The following RASGRP1 variants were observed in gnomAD, a reference collection of about 807,000 sequenced individuals.
The protein encoded by RASGRP1 is RAS guanyl-releasing protein 1.
A neutral mutation model predicts 95.1 loss-of-function variants in RASGRP1; 37 were observed. The observed-to-expected ratio is 0.39, with a 90% confidence interval of 0.30 to 0.51. The LOEUF (loss-of-function observed/expected upper bound fraction) is 0.51, where lower values mean the gene tolerates loss of function less well. Ranked by LOEUF, RASGRP1 falls within the 20% of genes least tolerant of loss-of-function variation. The probability of loss-of-function intolerance (pLI) is 0.80; values close to 1 mark genes in which losing one functional copy is unlikely to be tolerated. For missense variants in RASGRP1, 711 were observed against 965.4 expected, an observed-to-expected ratio of 0.74 and a Z score of 3.49; for synonymous variants, 325 against 353.4, an observed-to-expected ratio of 0.92 and a Z score of 0.90.
chr15:38,513,050 T>C lies in RASGRP1; in HGVS notation c.676-94A>G, dbSNP rs1176874264. ...TAAGGGACAAGTCCAGTCTGCTCAGTTGATGGCTGGGAACTGCCATGGAAC... is the reference window on the plus strand; with the variant it reads ...TAAGGGACAAGTCCAGTCTGCTCAGCTGATGGCTGGGAACTGCCATGGAAC... On this transcript the variant is annotated intron_variant, in intron 6 of 16. Transcript: ENST00000310803. The C allele has an allele frequency of 3.2e-6, 4 of 1,268,566 alleles. No homozygotes were observed. The East Asian group carries it at 1.1e-4, about 36-fold the overall frequency. The allele number at this position is 1,268,566 out of a possible 1,614,324, so 78.6% of individuals were successfully genotyped here.
chr15:38,500,499 C>T (rs1263195643), intron 13 of RASGRP1, among the ~76,000 whole-genome samples: 1 of 152,112 alleles, frequency 6.6e-6, no homozygotes, highest in Non-Finnish European at 1.5e-5. Context: ...TGTTCCACCA[C>T]ACCTGGCTAA....
chr15:38,560,800 A>G (rs1487160322), intron 1 of RASGRP1, among the ~76,000 whole-genome samples: 1 of 152,194 alleles, frequency 6.6e-6, no homozygotes, highest in East Asian at 1.9e-4. Flanking sequence ...GAGCTGTGAG[A>G]GCGTTGTTCC....
At chr15:38,535,551 C>G (rs558138281) in intron 2 of RASGRP1, among the ~76,000 whole-genome samples, 13 of 152,108 alleles carry the variant, frequency 8.5e-5, no homozygotes, top group Non-Finnish European at 1.8e-4. Context: ...GGTGAAAATT[C>G]ACGTCCCCTA....
chr15:38,553,663 CAGACATCCACATTCT>C lies in RASGRP1; in HGVS notation c.220+6143_220+6157del, dbSNP rs545458894. Among the ~76,000 whole-genome samples, 20 of 152,346 alleles carry C rather than the reference CAGACATCCACATTCT, an allele frequency of 1.3e-4. No homozygotes were observed. In the South Asian group the frequency reaches 3.9e-3, roughly 30 times the overall value. ...TGCAAGAATCAAACTGTAGTTGTAACAGACATCCACATTCTATTTACACAGCCAACAGACAGGCGT... is the reference window on the plus strand; with the variant it reads ...TGCAAGAATCAAACTGTAGTTGTAACATTTACACAGCCAACAGACAGGCGT... On this transcript the variant is annotated intron_variant, in intron 2 of 16. Transcript: ENST00000310803.
chr15:38,502,943 A>C (rs1891097566), intron 11 of RASGRP1: 1 of 365,152 alleles, frequency 2.7e-6, no homozygotes, highest in Non-Finnish European at 5.0e-6. Context: ...AAGCAGTACA[A>C]AGGTTTTCAG....
chr15:38,512,903 G>A lies in RASGRP1; in HGVS notation c.729C>T (p.Thr243=), dbSNP rs745339229. ...TGCACAGAGCAATAGATCGCTCCAT[G>A]GTGGGGTTTTCCTTCACACAGCTAT... The part of the protein sequence containing the change: ...LVNSCVKENP[T]MERSIALCNG... The change falls in exon 7 of 17, where the codon ACC becomes ACT. Residue 243 remains threonine, a synonymous_variant. Coordinates refer to ENST00000310803, the MANE Select transcript of RASGRP1 (RefSeq NM_005739.4). 33 of 1,602,766 alleles carry A rather than the reference G, an allele frequency of 2.1e-5. No homozygotes were observed. The South Asian group carries it at 2.1e-4, about 10-fold the overall frequency.
At chr15:38,500,792 C>T (rs892238737) in intron 13 of RASGRP1, among the ~76,000 whole-genome samples, 2 of 152,048 alleles carry the variant, frequency 1.3e-5, no homozygotes, top group African/African-American at 2.4e-5. Context: ...AGGAGTGGAA[C>T]GGAAGAGGGG....
intron 2 of RASGRP1, among the ~76,000 whole-genome samples, chr15:38,545,350 A>G (rs1272642709): frequency 6.6e-6 from 1 of 152,184 alleles, no homozygotes; most frequent in Non-Finnish European, 1.5e-5. Flanking sequence ...GATCTTGGTT[A>G]TGACAGATAC....
intron 9 of RASGRP1, 129 bp downstream of exon 9, chr15:38,507,597 T>G: frequency 1.9e-6 from 2 of 1,060,452 alleles, no homozygotes; most frequent in Non-Finnish European, 2.7e-6. Context: ...AGCTATATGT[T>G]GGAGATAGTA....
chr15:38,519,867 T>C (rs1891934592), intron 3 of RASGRP1, among the ~76,000 whole-genome samples: 2 of 152,222 alleles, frequency 1.3e-5, no homozygotes, highest in South Asian at 4.1e-4. Context: ...TATTCAGATA[T>C]GTCATGATAA....
intron 9 of RASGRP1, among the ~76,000 whole-genome samples, chr15:38,506,359 G>A (rs922712601): frequency 6.6e-6 from 1 of 152,210 alleles, no homozygotes; most frequent in African/African-American, 2.4e-5. Context: ...GAGTCTGGGT[G>A]CATGGTGGCT....
At chr15:38,497,852 C>T (rs1282464208) in intron 15 of RASGRP1, among the ~76,000 whole-genome samples, 1 of 152,206 alleles carries the variant, frequency 6.6e-6, no homozygotes, top group South Asian at 2.1e-4. Flanking sequence ...TGTTTTGTCT[C>T]AGTCCTAGGA....
chr15:38,511,569 C>T, intron 8 of RASGRP1, 35 bp downstream of exon 8: 1 of 1,510,694 alleles, frequency 6.6e-7, no homozygotes, highest in Non-Finnish European at 9.2e-7. Flanking sequence ...CTTGAGAATG[C>T]TGCTAAGGGC....
At chr15:38,548,663 T>C (rs1326366606) in intron 2 of RASGRP1, among the ~76,000 whole-genome samples, 1 of 152,190 alleles carries the variant, frequency 6.6e-6, no homozygotes, top group African/African-American at 2.4e-5. Flanking sequence ...GCTGCAACAA[T>C]GATCAGCATA....
intron 3 of RASGRP1, among the ~76,000 whole-genome samples, chr15:38,520,933 TA>T (rs1046614702): frequency 3.9e-5 from 6 of 152,164 alleles, no homozygotes; most frequent in African/African-American, 1.4e-4. Flanking sequence ...CTTCTAGTTT[TA>T]AAAATTAAAT....
intron 2 of RASGRP1, among the ~76,000 whole-genome samples, chr15:38,549,251 G>GA (rs778904041): frequency 2.0e-5 from 3 of 152,226 alleles, no homozygotes; most frequent in Non-Finnish European, 4.4e-5. Flanking sequence ...AGGAAGGGCA[G>GA]AGAGTGTGAA....
chr15:38,498,798 G>T lies in RASGRP1; in HGVS notation c.1869C>A (p.Leu623=). 3 of 1,612,930 alleles carry T rather than the reference G, an allele frequency of 1.9e-6. No homozygotes were observed. Among genetic ancestry groups the T allele is most frequent in the Non-Finnish European group, 2.5e-6 (3 of 1,179,694 alleles). The change falls in exon 15 of 17, where the codon CTC becomes CTA. Residue 623 remains leucine (L), a synonymous_variant. Transcript: ENST00000310803. ...ATGTTCCCAGTGCCTACTTACCATGGAGCAGATCTTTGGCTCCCAATGAGC... is the reference window on the plus strand; with the variant it reads ...ATGTTCCCAGTGCCTACTTACCATGTAGCAGATCTTTGGCTCCCAATGAGC... ...NLCSLGAKDL[L]HAPEEGPFTF... is the part of the protein sequence containing the mutation.
At chr15:38,520,332 TTTTAA>T (rs1459633562) in intron 3 of RASGRP1, among the ~76,000 whole-genome samples, 1 of 152,206 alleles carries the variant, frequency 6.6e-6, no homozygotes, top group African/African-American at 2.4e-5. Flanking sequence ...CCAGCAAACA[TTTTAA>T]TTAACTGGGA....
intron 15 of RASGRP1, among the ~76,000 whole-genome samples, chr15:38,495,359 A>G (rs1382357158): frequency 6.6e-6 from 1 of 152,246 alleles, no homozygotes. Context: ...CCCACTACCC[A>G]GGATCCAGCC....
Sources: gnomAD v4.1 joint callset for allele counts (sites outside exome capture counted in the v4.1 genomes callset) on GRCh38, gnomAD v4.1.1 for gene constraint, MANE v1.5 for transcripts, NCBI Gene and HGNC (gene_info 2026-07-23, HGNC 2026-07-21) for gene names.